TCF7L1: variants seen among roughly 807,000 people sequenced by gnomAD.
TCF7L1 encodes transcription factor 7 like 1, also known as transcription factor 7-like 1.
A neutral mutation model predicts 63.7 loss-of-function variants in TCF7L1; 18 were observed. The observed-to-expected ratio is 0.28, with a 90% CI of 0.20 to 0.42. The LOEUF (loss-of-function observed/expected upper bound fraction) is 0.42, where lower values mean the gene tolerates loss of function less well. Among genes scored for constraint, TCF7L1 ranks in the 10% least tolerant of loss-of-function variants. The pLI is 1.00. For synonymous variants in TCF7L1, 355 were observed against 340.9 expected, an observed-to-expected ratio of 1.04 and a Z score of -0.46; for missense variants, 654 against 779.3, an observed-to-expected ratio of 0.84 and a Z score of 1.91.
At chr2:85,254,449 G>A (rs182308013) in intron 3 of TCF7L1, among the ~76,000 whole-genome samples, 2 of 152,200 alleles carry the variant, frequency 1.3e-5, no homozygotes, top group African/African-American at 4.8e-5. Context: ...CCTGCATTGG[G>A]GGGGCTTGAA....
intron 3 of TCF7L1, among the ~76,000 whole-genome samples, chr2:85,217,860 A>T (rs1679745420): frequency 6.6e-6 from 1 of 152,240 alleles, no homozygotes; most frequent in Admixed American, 6.5e-5. Flanking sequence ...GTTGGCACTC[A>T]AGAAGTTTCA....
At chr2:85,218,630 T>G (rs1679765556) in intron 3 of TCF7L1, among the ~76,000 whole-genome samples, 1 of 145,340 alleles carries the variant, frequency 6.9e-6, no homozygotes, top group South Asian at 2.3e-4. Context: ...AAATATCTTT[T>G]TATTCCAATG....
Position 85,283,536 on chromosome 2 carries a change from C to T in TCF7L1, c.483C>T (p.Ser161=), listed in dbSNP as rs753043080. The T allele has an allele frequency of 6.2e-6, 10 of 1,614,030 alleles. No homozygotes were observed. Among genetic ancestry groups the T allele is most frequent in the Admixed American group, 3.3e-5 (2 of 59,996 alleles). Residue 161 remains serine (S), a synonymous_variant, in exon 4 of 12, where the codon AGC becomes AGT. Coordinates refer to ENST00000282111, the MANE Select transcript of TCF7L1 (RefSeq NM_031283.3). Reference sequence around the variant, plus strand: ...GGCCCCTCCTCGATGTCCCCTCCAGCGCCACAGTCAAGGACACGAGGTCAC... The same window carrying T: ...GGCCCCTCCTCGATGTCCCCTCCAGTGCCACAGTCAAGGACACGAGGTCAC... ...MKWPLLDVPS[S]ATVKDTRSPS...
At chr2:85,293,325 G>A (rs753856462) in intron 4 of TCF7L1, among the ~76,000 whole-genome samples, 5 of 152,118 alleles carry the variant, frequency 3.3e-5, no homozygotes, top group Admixed American at 6.6e-5. Context: ...TTGTGATGGC[G>A]AGCAAGTTTT....
At chr2:85,276,346 C>T (rs186626458) in intron 3 of TCF7L1, among the ~76,000 whole-genome samples, 1 of 152,178 alleles carries the variant, frequency 6.6e-6, no homozygotes, top group Non-Finnish European at 1.5e-5. Context: ...TACGTATTCT[C>T]GGCAGACTAA....
At chr2:85,237,976 C>T (rs1337545344) in intron 3 of TCF7L1, among the ~76,000 whole-genome samples, 1 of 151,980 alleles carries the variant, frequency 6.6e-6, no homozygotes, top group African/African-American at 2.4e-5. Flanking sequence ...CGGGCAGGAC[C>T]CAACAGGTGG....
chr2:85,140,038 A>T (rs1343925489), intron 3 of TCF7L1, among the ~76,000 whole-genome samples: 1 of 152,086 alleles, frequency 6.6e-6, no homozygotes, highest in Non-Finnish European at 1.5e-5. Flanking sequence ...AGCAGAGTGG[A>T]AAGGAAAGGT....
chr2:85,211,973 C>A (rs1416609635), intron 3 of TCF7L1, among the ~76,000 whole-genome samples: 2 of 151,568 alleles, frequency 1.3e-5, no homozygotes, highest in Non-Finnish European at 2.9e-5. Context: ...GCCTGTAATC[C>A]CAGCTACTCG....
intron 3 of TCF7L1, among the ~76,000 whole-genome samples, chr2:85,203,706 G>C (rs1679330296): frequency 6.6e-6 from 1 of 151,042 alleles, no homozygotes; most frequent in African/African-American, 2.4e-5. Flanking sequence ...TCCAGCCTGG[G>C]TGACAGAGTG....
chr2:85,309,213 C>A lies in TCF7L1; in HGVS notation c.1518C>A (p.Thr506=). 6.2e-7 allele frequency: 1 copy of A among 1,614,170 alleles called. No homozygotes were observed. ...HSEQAQPLSL[T]TKPETRAQLA... is the part of the protein sequence containing the mutation. ...AGCAAGCCCAGCCCCTCTCCCTCAC[C>A]ACCAAACCAGAAACCCGGGCCCAGC... The change falls in exon 12 of 12, where the codon ACC becomes ACA. Residue 506 remains threonine (T), a synonymous_variant. Coordinates refer to ENST00000282111, the MANE Select transcript of TCF7L1 (RefSeq NM_031283.3).
chr2:85,174,183 C>A (rs1372879793), intron 3 of TCF7L1, among the ~76,000 whole-genome samples: 1 of 152,090 alleles, frequency 6.6e-6, no homozygotes, highest in African/African-American at 2.4e-5. Flanking sequence ...TGGCAGCCAC[C>A]GGCCTTCTTT....
At chr2:85,147,464 G>T (rs1176444586) in intron 3 of TCF7L1, among the ~76,000 whole-genome samples, 1 of 152,126 alleles carries the variant, frequency 6.6e-6, no homozygotes, top group Non-Finnish European at 1.5e-5. Flanking sequence ...GAGGGCAGTG[G>T]TAGGGCGCTA....
At chr2:85,187,381 G>C (rs999230944) in intron 3 of TCF7L1, 4 of 152,122 alleles carry the variant, frequency 2.6e-5, no homozygotes, top group Non-Finnish European at 5.9e-5. Context: ...GACTCTTCCT[G>C]GTGTACCCAG....
At chr2:85,272,881 C>T (rs185553373) in intron 3 of TCF7L1, among the ~76,000 whole-genome samples, 205 of 152,336 alleles carry the variant, frequency 1.3e-3, no homozygotes, top group Non-Finnish European at 2.3e-3. Flanking sequence ...AGGGCAGGAG[C>T]GGGGAGAGGC....
intron 3 of TCF7L1, among the ~76,000 whole-genome samples, chr2:85,138,651 A>G (rs1312631940): frequency 6.6e-6 from 1 of 152,192 alleles, no homozygotes; most frequent in Non-Finnish European, 1.5e-5. Flanking sequence ...GGAACCTGTC[A>G]ATCTTTTTTC....
At chr2:85,202,717 G>A (rs186797572) in intron 3 of TCF7L1, among the ~76,000 whole-genome samples, 11 of 152,312 alleles carry the variant, frequency 7.2e-5, no homozygotes, top group African/African-American at 9.6e-5. Flanking sequence ...AGCAGGCCAC[G>A]GGGCTTGGGA....
intron 3 of TCF7L1, among the ~76,000 whole-genome samples, chr2:85,232,297 G>A (rs62165587): frequency 3.9e-5 from 6 of 152,094 alleles, no homozygotes; most frequent in South Asian, 4.1e-4. Flanking sequence ...TGCTCAGCCC[G>A]GTCAAGCGAT....
intron 3 of TCF7L1, among the ~76,000 whole-genome samples, chr2:85,228,030 T>G (rs997424700): frequency 4.0e-5 from 6 of 150,776 alleles, no homozygotes; most frequent in Non-Finnish European, 7.4e-5. Flanking sequence ...GTCACAAACA[T>G]TTTCATGTTG....
intron 3 of TCF7L1, among the ~76,000 whole-genome samples, chr2:85,239,178 A>G (rs1179397663): frequency 1.3e-5 from 2 of 152,056 alleles, no homozygotes; most frequent in African/African-American, 4.8e-5. Flanking sequence ...TGTTTTGGAG[A>G]TGTATATACC....
Sources: gnomAD v4.1 joint callset for allele counts (sites outside exome capture counted in the v4.1 genomes callset) on GRCh38, gnomAD v4.1.1 for gene constraint, MANE v1.5 for transcripts, NCBI Gene and HGNC (gene_info 2026-07-23, HGNC 2026-07-21) for gene names.